MAGI2: variants seen among roughly 807,000 people sequenced by gnomAD.
MAGI2 encodes membrane-associated guanylate kinase, WW and PDZ domain-containing protein 2.
MAGI2 carries 35 observed loss-of-function variants against 133.3 expected under a neutral mutation model. That is an observed-to-expected ratio of 0.26 (90% CI 0.20 to 0.35). MAGI2 has a LOEUF of 0.35. MAGI2 is among the 10% of genes least tolerant of loss of function. MAGI2 has a pLI of 1.00. For synonymous variants in MAGI2, 729 were observed against 710.6 expected, an observed-to-expected ratio of 1.03 and a Z score of -0.41; for missense variants, 1,636 against 1,863.4, an observed-to-expected ratio of 0.88 and a Z score of 2.25.
At chr7:79,175,686 C>T (rs1490680203) in intron 1 of MAGI2, among the ~76,000 whole-genome samples, 1 of 151,964 alleles carries the variant, frequency 6.6e-6, no homozygotes, top group Non-Finnish European at 1.5e-5. Flanking sequence ...GTAGGATAGC[C>T]TATTGCTCCT....
At chr7:78,619,211 T>C (rs1305096477) in intron 3 of MAGI2, among the ~76,000 whole-genome samples, 1 of 151,518 alleles carries the variant, frequency 6.6e-6, no homozygotes, top group Non-Finnish European at 1.5e-5. Flanking sequence ...AAAAAGTCAC[T>C]AGGAGATGTG....
At chr7:78,280,502 A>C (rs1019021417) in intron 9 of MAGI2, among the ~76,000 whole-genome samples, 4 of 152,170 alleles carry the variant, frequency 2.6e-5, no homozygotes, top group African/African-American at 9.7e-5. Flanking sequence ...TGTTATAATA[A>C]GGAAGTGAAG....
intron 1 of MAGI2, among the ~76,000 whole-genome samples, chr7:79,208,592 T>C (rs1219312158): frequency 1.3e-5 from 2 of 151,996 alleles, no homozygotes; most frequent in African/African-American, 4.8e-5. Context: ...GAATGTAAAT[T>C]ATTATAGCCA....
At chr7:78,157,511 A>G (rs3807687) in intron 16 of MAGI2, among the ~76,000 whole-genome samples, 18,486 of 152,236 alleles carry the variant, frequency 0.12, 1,147 homozygotes, top group East Asian at 0.17. Flanking sequence ...GTAAGTGCAC[A>G]TGTACACATA....
chr7:78,588,164 C>T (rs1021345101), intron 3 of MAGI2, among the ~76,000 whole-genome samples: 2 of 152,178 alleles, frequency 1.3e-5, no homozygotes, highest in African/African-American at 4.8e-5. Context: ...GCTTGTTCAA[C>T]GTTAGCCCTC....
At chr7:79,102,940 C>A (rs1818118431) in intron 1 of MAGI2, among the ~76,000 whole-genome samples, 2 of 152,114 alleles carry the variant, frequency 1.3e-5, no homozygotes, top group African/African-American at 4.8e-5. Flanking sequence ...CTGATTCAAT[C>A]AGTTGAAGGG....
At chr7:78,291,934 A>G (rs957597190) in intron 9 of MAGI2, among the ~76,000 whole-genome samples, 4 of 152,230 alleles carry the variant, frequency 2.6e-5, no homozygotes, top group African/African-American at 4.8e-5. Context: ...GATGTATCTC[A>G]AAATAGTAAG....
chr7:78,887,944 G>A (rs1317748745), intron 2 of MAGI2, among the ~76,000 whole-genome samples: 1 of 152,200 alleles, frequency 6.6e-6, no homozygotes, highest in African/African-American at 2.4e-5. Flanking sequence ...TGCCTCACCT[G>A]GCAAGTGCAA....
At chr7:79,101,360 CCTGA>C (rs555938131) in intron 1 of MAGI2, among the ~76,000 whole-genome samples, 135 of 152,172 alleles carry the variant, frequency 8.9e-4, no homozygotes, top group African/African-American at 2.7e-3. Context: ...CTTTGTTTAT[CCTGA>C]CTATGTGATA....
intron 2 of MAGI2, among the ~76,000 whole-genome samples, chr7:78,681,154 T>C (rs548028815): frequency 6.6e-6 from 1 of 152,074 alleles, no homozygotes; most frequent in African/African-American, 2.4e-5. Flanking sequence ...CAACCAGAAA[T>C]ACATTCTCCA....
At chr7:78,920,208 G>T (rs774929237) in intron 2 of MAGI2, among the ~76,000 whole-genome samples, 4 of 152,070 alleles carry the variant, frequency 2.6e-5, no homozygotes, top group Non-Finnish European at 5.9e-5. Context: ...GGTTCAAAAT[G>T]ATTGGATGTG....
chr7:78,189,700 T>A (rs1466518392), intron 12 of MAGI2, among the ~76,000 whole-genome samples: 1 of 152,180 alleles, frequency 6.6e-6, no homozygotes, highest in East Asian at 1.9e-4. Context: ...TTTCAGGAAA[T>A]AAGAATTTTT....
At chr7:79,301,935 C>A (rs2129559771) in intron 1 of MAGI2, among the ~76,000 whole-genome samples, 1 of 152,298 alleles carries the variant, frequency 6.6e-6, no homozygotes, top group East Asian at 1.9e-4. Flanking sequence ...CTTTCTCTCT[C>A]TTGCTCCTGC....
rs926814780 is a variant in MAGI2 at position 79,190,629 on chromosome 7, T to C, written c.302-183423A>G. On this transcript the variant is annotated intron_variant, in intron 1 of 21. Transcript: ENST00000354212. ...CAGTATTAATACTTTCTCATACATATTGCAAACACTCTTACAATAAACAAG... is the reference window on the plus strand; with the variant it reads ...CAGTATTAATACTTTCTCATACATACTGCAAACACTCTTACAATAAACAAG... 2.0e-4 allele frequency among the ~76,000 whole-genome samples: 31 copies of C among 151,866 alleles called. 1 individual carries two copies. Among genetic ancestry groups the C allele is most frequent in the African/African-American group, 6.1e-4 (25 of 41,304 alleles).
chr7:78,731,998 T>C (rs536282680), intron 2 of MAGI2, among the ~76,000 whole-genome samples: 1 of 152,228 alleles, frequency 6.6e-6, no homozygotes, highest in South Asian at 2.1e-4. Flanking sequence ...ATAGATATTT[T>C]GTATTGCTGA....
rs117069156 is a variant in MAGI2, at chr7:78,097,041, G to A, written c.3568-17956C>T. Among the ~76,000 whole-genome samples the A allele has an allele frequency of 4.8e-3, 731 of 152,080 alleles. 3 individuals carry two copies. Among genetic ancestry groups the A allele is most frequent in the Non-Finnish European group, 8.1e-3 (553 of 67,954 alleles). The stretch of plus-strand genomic sequence containing the variant: ...ACTTTGCAAAAGAAGACACACATGT[G>A]CCCAACAAGCATATGAAAAAAAACC... On this transcript the variant is annotated intron_variant, in intron 20 of 21. Transcript: ENST00000354212.
intron 1 of MAGI2, among the ~76,000 whole-genome samples, chr7:79,365,822 T>C (rs1295132166): frequency 8.3e-6 from 1 of 120,306 alleles, no homozygotes; most frequent in Non-Finnish European, 1.6e-5. Context: ...ATCGGGCCGC[T>C]GCACTCCAGC....
intron 9 of MAGI2, among the ~76,000 whole-genome samples, chr7:78,336,785 A>AAG (rs1789817068): frequency 1.3e-4 from 12 of 92,202 alleles, no homozygotes; most frequent in Non-Finnish European, 2.9e-4. Context: ...AGAAGAAAAG[A>AAG]AAGAAGAAAA....
intron 6 of MAGI2, among the ~76,000 whole-genome samples, chr7:78,453,737 C>T (rs189501135): frequency 6.6e-6 from 1 of 152,198 alleles, no homozygotes; most frequent in African/African-American, 2.4e-5. Flanking sequence ...ACCAAAAATC[C>T]CAGAGGATTA....
Sources: allele counts gnomAD v4.1 joint callset (sites outside exome capture counted in the v4.1 genomes callset), GRCh38; gene constraint gnomAD v4.1.1; transcripts MANE v1.5; gene names NCBI Gene and HGNC (gene_info 2026-07-23, HGNC 2026-07-21).